The following CAPN13 variants were observed in gnomAD, a reference collection of about 807,000 sequenced individuals.
CAPN13 encodes calpain 13, also known as calpain-13.
In CAPN13, 90 loss-of-function variants were observed where a neutral mutation model predicts 98.4. The observed-to-expected ratio is 0.92, with a 90% CI of 0.77 to 1.09. The LOEUF is 1.09. CAPN13 is among the 50% of genes least tolerant of loss of function. The pLI, the probability that CAPN13 is intolerant of heterozygous loss-of-function variation, is 0.00. For missense variants in CAPN13, 887 were observed against 841.3 expected (o/e 1.05, Z -0.67); for synonymous variants, 330 against 305.5 (o/e 1.08, Z -0.84).
chr2:30,738,011 G>A (rs930336792), intron 17 of CAPN13: 2 of 548,396 alleles, frequency 3.6e-6, no homozygotes, highest in Non-Finnish European at 3.4e-6. Flanking sequence ...ACACACCCCA[G>A]TACACTGATC....
intron 4 of CAPN13, among the ~76,000 whole-genome samples, chr2:30,771,596 T>C (rs1673415725): frequency 6.6e-6 from 1 of 151,870 alleles, no homozygotes; most frequent in Non-Finnish European, 1.5e-5. Context: ...ACAGGGATGG[T>C]TTTAGGAGGG....
chr2:30,801,697 G>C (rs373770632), intron 1 of CAPN13, among the ~76,000 whole-genome samples: 57 of 151,204 alleles, frequency 3.8e-4, no homozygotes, highest in African/African-American at 1.4e-3. Context: ...ACCACACAAA[G>C]AGAAAGTCAA....
intron 1 of CAPN13, among the ~76,000 whole-genome samples, chr2:30,787,987 CT>C (rs1296455199): frequency 6.6e-6 from 1 of 152,062 alleles, no homozygotes; most frequent in Non-Finnish European, 1.5e-5. Context: ...AGCTCCTGCA[CT>C]TGTCCACAGG....
At chr2:30,750,957 G>A (rs1243706381) in intron 11 of CAPN13, 146 bp downstream of exon 11, 1 of 878,668 alleles carries the variant, frequency 1.1e-6, no homozygotes, top group African/African-American at 1.7e-5. Context: ...TTTAGACTTG[G>A]ACTGCATGAA....
rs751405084 is a variant in CAPN13, at chr2:30,751,093, G to A, written c.1236+10C>T. ...TCTACAAGGGAAAGCCCTGAAGCAGGCTGCCTTACCAGAATCACTTGGAAA... is the reference window on the plus strand; with the variant it reads ...TCTACAAGGGAAAGCCCTGAAGCAGACTGCCTTACCAGAATCACTTGGAAA... On this transcript the variant is annotated intron_variant, in intron 11 of 22. Coordinates refer to ENST00000295055, the MANE Select transcript of CAPN13 (RefSeq NM_144575.3). 8.7e-6 allele frequency: 14 copies of A among 1,612,868 alleles called. No homozygotes were observed. The South Asian group carries it at 1.4e-4, about 16-fold the overall frequency.
chr2:30,787,824 T>C lies in CAPN13; in HGVS notation c.-32-467A>G, dbSNP rs189916248. 7.3e-4 allele frequency among the ~76,000 whole-genome samples: 111 copies of C among 152,170 alleles called. 1 individual carries two copies. The highest frequency in any genetic ancestry group is 6.0e-3 in the Admixed American group (91 of 15,290). On this transcript the variant is annotated intron_variant, in intron 1 of 22. Transcript: ENST00000295055. ...TTGCCAGAAAGGTAGGTTGGAAAGC[T>C]GGGTGAGGAAATGTTTTATACCCCA...
intron 19 of CAPN13, 70 bp downstream of exon 19, chr2:30,734,379 C>T: frequency 8.4e-7 from 1 of 1,195,506 alleles, no homozygotes. Flanking sequence ...GCCAGCCTTG[C>T]TACTAGGGGT....
chr2:30,777,701 T>A (rs892233764), intron 2 of CAPN13, 62 bp from the exon 3 acceptor site: 2 of 1,311,598 alleles, frequency 1.5e-6, no homozygotes, highest in Non-Finnish European at 2.2e-6. Context: ...CAAAGCGACA[T>A]CATTCACTTT....
Position 30,758,090 on chromosome 2 carries a change from G to T in CAPN13, c.822C>A (p.Pro274=). ...TCCATTCGGCCTCGCCCCAGCCCCA[G>T]GGGTTCCACAGGGAGATAATTTCTT... ...GWEEIISLWN[P]WGWGEAEWRG... is the part of the protein sequence containing the mutation. The change falls in exon 8 of 23, where the codon CCC becomes CCA. Residue 274 remains proline (P), a synonymous_variant. Coordinates refer to ENST00000295055, the MANE Select transcript of CAPN13 (RefSeq NM_144575.3). The T allele has an allele frequency of 6.2e-7, 1 of 1,610,910 alleles. No individual in the cohort carries two copies. Among genetic ancestry groups the T allele is most frequent in the Non-Finnish European group, 8.5e-7 (1 of 1,178,736 alleles).
At position 30,751,191 on chromosome 2, in the gene CAPN13, T is replaced by C. The variant is rs375332401; in HGVS notation, c.1148A>G (p.Asn383Ser). 1.1e-5 allele frequency: 18 copies of C among 1,613,878 alleles called. No individual in the cohort carries two copies. Among genetic ancestry groups the C allele is most frequent in the East Asian group, 2.2e-5 (1 of 44,900 alleles). Residue 383 changes from asparagine to serine, a missense_variant, in exon 11 of 23, where the codon AAT (asparagine) becomes AGT (serine). Transcript: ENST00000295055. Reference protein sequence around the residue: ...FSVQEPMEGTNVVVCVTVAVT... With the variant: ...FSVQEPMEGTSVVVCVTVAVT... Reference sequence around the variant, plus strand: ...AGCAACTGTGACGCACACGACAACATTGGTGCCTTCCATTGGCTCTTGCAC... The same window carrying C: ...AGCAACTGTGACGCACACGACAACACTGGTGCCTTCCATTGGCTCTTGCAC...
intron 7 of CAPN13, among the ~76,000 whole-genome samples, chr2:30,761,656 C>T (rs1184741266): frequency 6.6e-6 from 1 of 152,162 alleles, no homozygotes; most frequent in Non-Finnish European, 1.5e-5. Context: ...CATCTCATGC[C>T]CCAAACAGGT....
intron 2 of CAPN13, among the ~76,000 whole-genome samples, chr2:30,781,147 GA>G (rs1673965721): frequency 6.6e-6 from 1 of 152,218 alleles, no homozygotes; most frequent in Admixed American, 6.5e-5. Flanking sequence ...GGGATTCTGA[GA>G]CCCAGCCAGG....
At position 30,764,169 on chromosome 2, in the gene CAPN13, T is replaced by A. The variant is rs1572840297; in HGVS notation, c.662A>T (p.Lys221Met). 3.1e-6 allele frequency: 5 copies of A among 1,593,922 alleles called. No homozygotes were observed. Among genetic ancestry groups the A allele is most frequent in the South Asian group, 1.1e-5 (1 of 87,546 alleles). The change falls in exon 6 of 23, where the codon AAG becomes ATG. Residue 221 changes from lysine to methionine, a missense_variant. By Grantham distance (95) the Lys-to-Met change is moderately conservative. Coordinates refer to ENST00000295055, the MANE Select transcript of CAPN13 (RefSeq NM_144575.3). Reference sequence around the variant, plus strand: ...GGCACAGGTTATCAGGGAGCCTGCCTTGGTCGCTGTCTTCACTGCCTTCAC... The same window carrying A: ...GGCACAGGTTATCAGGGAGCCTGCCATGGTCGCTGTCTTCACTGCCTTCAC... The part of the protein sequence containing the change: ...DLVKAVKTAT[K>M]AGSLITCATP...
In CAPN13 at chr2:30,754,282, G is replaced by A; in HGVS notation, c.941+8C>T. ...TTTAAAACACCATTGTATAAGAAGG[G>A]TAAATACCAAAACTCGCCATCTTCC... On this transcript the variant is annotated splice_region_variant and intron_variant, in intron 9 of 22. Coordinates refer to ENST00000295055, the MANE Select transcript of CAPN13 (RefSeq NM_144575.3). 6.3e-7 allele frequency: 1 copy of A among 1,599,568 alleles called. No homozygotes were observed. Among genetic ancestry groups the A allele is most frequent in the Non-Finnish European group, 8.5e-7 (1 of 1,173,306 alleles).
intron 1 of CAPN13, among the ~76,000 whole-genome samples, chr2:30,797,295 A>C (rs145129361): frequency 1.1e-3 from 166 of 152,186 alleles, no homozygotes; most frequent in African/African-American, 3.4e-3. Context: ...TACCGCCAAG[A>C]TTATGCTCTA....
At chr2:30,754,578 G>T (rs552616589) in intron 8 of CAPN13, among the ~76,000 whole-genome samples, 32 of 152,108 alleles carry the variant, frequency 2.1e-4, no homozygotes, top group African/African-American at 7.5e-4. Flanking sequence ...AAGTCCAGAT[G>T]GATTTATGCT....
intron 22 of CAPN13, among the ~76,000 whole-genome samples, chr2:30,727,845 A>G (rs1362026630): frequency 1.3e-5 from 2 of 151,976 alleles, no homozygotes; most frequent in African/African-American, 4.8e-5. Context: ...CCCCCCAAAA[A>G]CCTGTGCACA....
intron 9 of CAPN13, among the ~76,000 whole-genome samples, chr2:30,753,498 G>A (rs149100617): frequency 3.9e-4 from 59 of 152,252 alleles, no homozygotes; most frequent in Non-Finnish European, 6.5e-4. Context: ...GTGGGACGAC[G>A]GCCAGTCTCT....
chr2:30,787,086 G>T, intron 2 of CAPN13, 42 bp downstream of exon 2: 1 of 1,473,228 alleles, frequency 6.8e-7, no homozygotes, highest in South Asian at 1.4e-5. Flanking sequence ...AGGCGACTCC[G>T]AGGACCCTGG....
Sources: allele counts gnomAD v4.1 joint callset (sites outside exome capture counted in the v4.1 genomes callset), GRCh38; gene constraint gnomAD v4.1.1; transcripts MANE v1.5; gene names NCBI Gene and HGNC (gene_info 2026-07-23, HGNC 2026-07-21).